The following RANBP2 variants were observed in gnomAD, a reference collection of about 807,000 sequenced individuals.
RANBP2 encodes E3 SUMO-protein ligase RanBP2.
RANBP2 carries 57 observed loss-of-function variants against 303.6 expected under a neutral mutation model. That is an observed-to-expected ratio of 0.19 (90% CI 0.15 to 0.23). The LOEUF (loss-of-function observed/expected upper bound fraction) is 0.23, where lower values mean the gene tolerates loss of function less well. RANBP2 is among the 10% of genes least tolerant of loss of function. RANBP2 has a pLI of 1.00. For synonymous variants in RANBP2, 1,167 were observed against 1,301.5 expected (o/e 0.90, Z 2.23); for missense variants, 3,138 against 3,780.8 (o/e 0.83, Z 4.46).
At chr2:109,391,483 AGCACACTCCT>A in the RANBP2 span, among the ~76,000 whole-genome samples, 1 of 152,234 alleles carries the variant, frequency 6.6e-6, no homozygotes, top group Non-Finnish European at 1.5e-5. Context: ...ACAGGTCTCC[AGCACACTCCT>A]GCAGTGCTCT....
At position 108,762,084 on chromosome 2, in the gene RANBP2, T is replaced by C; in HGVS notation, c.2603-17T>C. On this transcript the variant is annotated splice_polypyrimidine_tract_variant and intron_variant, in intron 18 of 28. Coordinates refer to ENST00000283195, the MANE Select transcript of RANBP2 (RefSeq NM_006267.5). ...GACTTTAACAGTGTTTTCTTTATTT[T>C]CTTTTTGTTTTTTTAGTTGCAACTA... 6.3e-7 allele frequency: 1 copy of C among 1,596,874 alleles called. No homozygotes were observed. The highest frequency in any genetic ancestry group is 1.1e-5 in the South Asian group (1 of 90,942).
chr2:109,591,479 C>T, the RANBP2 span, among the ~76,000 whole-genome samples: 1 of 152,102 alleles, frequency 6.6e-6, no homozygotes, highest in Admixed American at 6.5e-5. Flanking sequence ...GAGGATTAAA[C>T]ATCATTCAAA....
chr2:109,111,949 A>G, the RANBP2 span, among the ~76,000 whole-genome samples: 1 of 152,070 alleles, frequency 6.6e-6, no homozygotes. Flanking sequence ...ATGTCCCTAC[A>G]AAGGACATGA....
At chr2:109,242,416 A>C in the RANBP2 span, among the ~76,000 whole-genome samples, 43 of 152,264 alleles carry the variant, frequency 2.8e-4, no homozygotes, top group Non-Finnish European at 2.5e-4. Flanking sequence ...CCCATAGAGC[A>C]GCCCGTGCCT....
At chr2:109,067,556 C>T in the RANBP2 span, among the ~76,000 whole-genome samples, 1 of 152,190 alleles carries the variant, frequency 6.6e-6, no homozygotes, top group Non-Finnish European at 1.5e-5. Context: ...AAGTCTTCAT[C>T]TGTAAGTGGG....
the RANBP2 span, among the ~76,000 whole-genome samples, chr2:108,986,468 G>A: frequency 2.0e-5 from 3 of 152,152 alleles, no homozygotes; most frequent in African/African-American, 4.8e-5. Context: ...AAATGTGTCA[G>A]TGTTGGAGGC....
At chr2:109,648,501 G>A in the RANBP2 span, among the ~76,000 whole-genome samples, 2 of 151,668 alleles carry the variant, frequency 1.3e-5, no homozygotes, top group Non-Finnish European at 2.9e-5. Flanking sequence ...ATGTCATGAT[G>A]CCCGGCTAAT....
chr2:109,407,127 AGT>A, the RANBP2 span, among the ~76,000 whole-genome samples: 1 of 152,174 alleles, frequency 6.6e-6, no homozygotes, highest in Non-Finnish European at 1.5e-5. Context: ...CTGGGTCCAG[AGT>A]GTGGTCAGAT....
chr2:109,167,526 C>T, the RANBP2 span, among the ~76,000 whole-genome samples: 1 of 152,120 alleles, frequency 6.6e-6, no homozygotes, highest in South Asian at 2.1e-4. Flanking sequence ...AGTCATCCCC[C>T]ATTGGTATTG....
chr2:109,409,809 T>C, the RANBP2 span, among the ~76,000 whole-genome samples: 1 of 152,214 alleles, frequency 6.6e-6, no homozygotes, highest in Non-Finnish European at 1.5e-5. Flanking sequence ...GAGTTTTCTT[T>C]GGGAAGCAAG....
chr2:108,881,592 C>T, the RANBP2 span, among the ~76,000 whole-genome samples: 1 of 152,200 alleles, frequency 6.6e-6, no homozygotes, highest in East Asian at 1.9e-4. Context: ...CTAAACCCAA[C>T]CATTTCTAGC....
the RANBP2 span, among the ~76,000 whole-genome samples, chr2:109,195,129 A>G: frequency 6.6e-6 from 1 of 152,208 alleles, no homozygotes; most frequent in South Asian, 2.1e-4. Context: ...TGGCAGATGG[A>G]TAAAAACTAA....
chr2:109,222,151 C>T, the RANBP2 span, among the ~76,000 whole-genome samples: 1 of 144,136 alleles, frequency 6.9e-6, no homozygotes, highest in African/African-American at 2.9e-5. Context: ...AAAAGGTGCT[C>T]GCATGAAGAC....
At chr2:109,281,371 G>A in the RANBP2 span, among the ~76,000 whole-genome samples, 1 of 152,204 alleles carries the variant, frequency 6.6e-6, no homozygotes, top group Non-Finnish European at 1.5e-5. Flanking sequence ...GACTTGGAAA[G>A]TGAGGAGAGG....
the RANBP2 span, among the ~76,000 whole-genome samples, chr2:109,252,233 G>A: frequency 1.4e-5 from 2 of 146,954 alleles, no homozygotes; most frequent in African/African-American, 5.1e-5. Flanking sequence ...AGGTGACACA[G>A]TGAGACCCTG....
At chr2:109,445,001 G>A in the RANBP2 span, among the ~76,000 whole-genome samples, 2 of 152,092 alleles carry the variant, frequency 1.3e-5, no homozygotes, top group Non-Finnish European at 2.9e-5. Context: ...AACTGGATAT[G>A]AAAAAGAACC....
the RANBP2 span, among the ~76,000 whole-genome samples, chr2:109,078,098 A>ATATATATATAGATAGCGTG: frequency 1.7e-5 from 1 of 60,068 alleles, no homozygotes; most frequent in East Asian, 6.2e-4. Flanking sequence ...ATATATATAT[A>ATATATATATAGATAGCGTG]TATATATATA....
the RANBP2 span, among the ~76,000 whole-genome samples, chr2:109,695,811 G>A: frequency 6.6e-6 from 1 of 152,108 alleles, no homozygotes; most frequent in Non-Finnish European, 1.5e-5. Flanking sequence ...TTTAGCTGGA[G>A]TGTGGTAGAA....
chr2:109,543,011 GAGT>G, the RANBP2 span: 1 of 152,556 alleles, frequency 6.6e-6, no homozygotes, highest in African/African-American at 2.4e-5. Context: ...TATTTGTCAA[GAGT>G]AAATGTCAGT....
Sources: allele counts gnomAD v4.1 joint callset (sites outside exome capture counted in the v4.1 genomes callset), GRCh38; gene constraint gnomAD v4.1.1; transcripts MANE v1.5; gene names NCBI Gene and HGNC (gene_info 2026-07-23, HGNC 2026-07-21).